HSDL2: variants seen among roughly 807,000 people sequenced by gnomAD.
HSDL2 encodes the protein hydroxysteroid dehydrogenase like 2, also known as hydroxysteroid dehydrogenase-like protein 2.
In HSDL2, 27 loss-of-function variants were observed where a neutral mutation model predicts 46.3. The observed-to-expected ratio is 0.58, with a 90% CI of 0.43 to 0.80. The LOEUF (loss-of-function observed/expected upper bound fraction) is 0.80, where lower values mean the gene tolerates loss of function less well. Ranked by LOEUF, HSDL2 falls within the 30% of genes least tolerant of loss-of-function variation. The pLI is 0.00. For missense variants in HSDL2, 451 were observed against 502.7 expected, an observed-to-expected ratio of 0.90 and a Z score of 0.98; for synonymous variants, 153 against 163.6, an observed-to-expected ratio of 0.94 and a Z score of 0.50.
chr9:112,434,415 CCT>C (rs1832472471), intron 6 of HSDL2, among the ~76,000 whole-genome samples: 1 of 152,202 alleles, frequency 6.6e-6, no homozygotes, highest in Admixed American at 6.5e-5. Context: ...TGGCAGCTCA[CCT>C]CCTTCCTGTC....
Position 112,471,550 on chromosome 9 carries a change from T to C in HSDL2, c.*1006T>C, listed in dbSNP as rs1833574817. The C allele has an allele frequency of 6.6e-6, 1 of 152,202 alleles. No homozygotes were observed. The highest frequency in any genetic ancestry group is 2.4e-5 in the African/African-American group (1 of 41,458). 9.4% of individuals were successfully genotyped at this position (152,202 alleles called of 1,614,324 possible). ...CTTTGACTTCTAATCTCCAGAATAG[T>C]GAGAAATAAATTTCTGTTGTTAAGC... On this transcript the variant is annotated 3_prime_UTR_variant, in exon 11 of 11. Transcript: ENST00000398805.
chr9:112,401,921 C>T (rs1436905225), intron 1 of HSDL2, among the ~76,000 whole-genome samples: 1 of 152,082 alleles, frequency 6.6e-6, no homozygotes, highest in Non-Finnish European at 1.5e-5. Flanking sequence ...CCCACTTCTC[C>T]ACTCTCCCTC....
intron 6 of HSDL2, among the ~76,000 whole-genome samples, chr9:112,434,304 G>T (rs758541516): frequency 1.3e-5 from 2 of 152,122 alleles, no homozygotes; most frequent in African/African-American, 2.4e-5. Context: ...AGAGAGGAAG[G>T]CAGTAGAAGT....
At chr9:112,442,337 G>A (rs1264636056) in intron 8 of HSDL2, among the ~76,000 whole-genome samples, 1 of 148,150 alleles carries the variant, frequency 6.7e-6, no homozygotes, top group Non-Finnish European at 1.5e-5. Context: ...TTAAAAACAA[G>A]TCTGAAAAAA....
intron 8 of HSDL2, 91 bp from the exon 9 acceptor site, chr9:112,453,921 TG>T (rs1832949843): frequency 4.0e-6 from 5 of 1,239,038 alleles, no homozygotes; most frequent in Non-Finnish European, 5.5e-6. Flanking sequence ...TAGGTCTAAT[TG>T]GTGGCAAGTC....
intron 7 of HSDL2, among the ~76,000 whole-genome samples, chr9:112,440,949 C>A (rs1832624607): frequency 6.6e-6 from 1 of 152,026 alleles, no homozygotes; most frequent in African/African-American, 2.4e-5. Context: ...CAGAGGGTGC[C>A]ATGAGCTGAG....
chr9:112,418,680 C>A (rs949865802), intron 5 of HSDL2, among the ~76,000 whole-genome samples, 180 bp from the exon 6 acceptor site: 1 of 151,178 alleles, frequency 6.6e-6, no homozygotes, highest in South Asian at 2.1e-4. Context: ...TATGTATATG[C>A]ATATATATAC....
chr9:112,420,780 C>T (rs928806447), intron 6 of HSDL2, among the ~76,000 whole-genome samples: 1 of 152,086 alleles, frequency 6.6e-6, no homozygotes, highest in African/African-American at 2.4e-5. Flanking sequence ...CGAGAATACT[C>T]GTCTCTAATT....
Position 112,392,033 on chromosome 9 carries a change from CA to C in HSDL2, c.17+11854del, listed in dbSNP as rs1158569927. On this transcript the variant is annotated intron_variant, in intron 1 of 10. Coordinates refer to ENST00000398805, the MANE Select transcript of HSDL2 (RefSeq NM_032303.5). ...GTGTCGGCCAGCTGAGAAATAGAGA[CA>C]GCACAAAGAGAGGAATTTTACAGCT... Among the ~76,000 whole-genome samples the C allele has an allele frequency of 2.0e-5, 3 of 152,124 alleles. No individual in the cohort carries two copies. In the East Asian group the frequency reaches 5.8e-4, roughly 29 times the overall value.
intron 4 of HSDL2, among the ~76,000 whole-genome samples, chr9:112,414,189 A>C (rs1297320800): frequency 7.2e-5 from 11 of 152,218 alleles, no homozygotes; most frequent in Non-Finnish European, 4.4e-5. Flanking sequence ...GCAGATATTT[A>C]AGAATGTTAG....
At chr9:112,404,293 G>A in intron 2 of HSDL2, 135 bp downstream of exon 2, 1 of 821,018 alleles carries the variant, frequency 1.2e-6, no homozygotes, top group Non-Finnish European at 1.9e-6. Flanking sequence ...AAGTATTTAT[G>A]TTGTCACCTT....
chr9:112,438,371 C>T (rs774709832), intron 6 of HSDL2, 60 bp from the exon 7 acceptor site: 2 of 1,104,256 alleles, frequency 1.8e-6, no homozygotes, highest in Non-Finnish European at 2.4e-6. Context: ...TTGTTACTTC[C>T]ATAGTTTTAT....
chr9:112,438,655 G>C, intron 7 of HSDL2, 30 bp downstream of exon 7: 1 of 1,320,338 alleles, frequency 7.6e-7, no homozygotes, highest in Non-Finnish European at 1.1e-6. Context: ...TAAAAGTAGT[G>C]ATACGTTTTT....
At chr9:112,427,358 G>A (rs186490088) in intron 6 of HSDL2, among the ~76,000 whole-genome samples, 1 of 152,194 alleles carries the variant, frequency 6.6e-6, no homozygotes, top group African/African-American at 2.4e-5. Context: ...CCTGGCCCTC[G>A]CCACATTATT....
intron 10 of HSDL2, among the ~76,000 whole-genome samples, chr9:112,469,242 A>G (rs1181170822): frequency 1.1e-4 from 17 of 151,758 alleles, no homozygotes. Context: ...AATATAATAT[A>G]TATATAATAT....
At chr9:112,466,383 T>C (rs550743855) in intron 10 of HSDL2, among the ~76,000 whole-genome samples, 2 of 152,246 alleles carry the variant, frequency 1.3e-5, no homozygotes, top group African/African-American at 2.4e-5. Context: ...TGAAACCCCA[T>C]CTCTACTAAA....
intron 1 of HSDL2, among the ~76,000 whole-genome samples, chr9:112,382,207 C>T (rs1831114524): frequency 6.6e-6 from 1 of 152,190 alleles, no homozygotes; most frequent in Admixed American, 6.5e-5. Flanking sequence ...TGGCAGTGAG[C>T]CGAGATCATG....
chr9:112,399,908 A>G (rs144905300), intron 1 of HSDL2, among the ~76,000 whole-genome samples: 3 of 152,366 alleles, frequency 2.0e-5, no homozygotes, highest in African/African-American at 7.2e-5. Context: ...TAACACAATT[A>G]TCACAGTGGT....
At chr9:112,467,148 G>A (rs1350298667) in intron 10 of HSDL2, among the ~76,000 whole-genome samples, 1 of 152,042 alleles carries the variant, frequency 6.6e-6, no homozygotes, top group East Asian at 1.9e-4. Flanking sequence ...TTCACAATAG[G>A]CAAAAGACAG....
Sources: allele counts gnomAD v4.1 joint callset (sites outside exome capture counted in the v4.1 genomes callset), GRCh38; gene constraint gnomAD v4.1.1; transcripts MANE v1.5; gene names NCBI Gene and HGNC (gene_info 2026-07-23, HGNC 2026-07-21).